C2orf76: variants seen among roughly 807,000 people sequenced by gnomAD.
C2orf76 encodes UPF0538 protein C2orf76.
A neutral mutation model predicts 16.9 loss-of-function variants in C2orf76; 23 were observed. The ratio of observed to expected loss-of-function variants is 1.36; its 90% CI spans 0.98 to 1.93. C2orf76 has a LOEUF of 1.93. C2orf76 is among the 30% of genes most tolerant of loss of function. The probability of loss-of-function intolerance (pLI) is 0.00; values close to 1 mark genes in which losing one functional copy is unlikely to be tolerated. For missense variants in C2orf76, 152 were observed against 152.6 expected (o/e 1.00, Z 0.02); for synonymous variants, 48 against 52.3 (o/e 0.92, Z 0.35).
chr2:119,292,149 A>G, the C2orf76 span, among the ~76,000 whole-genome samples: 1 of 152,170 alleles, frequency 6.6e-6, no homozygotes, highest in African/African-American at 2.4e-5. Flanking sequence ...TTTAAATGTC[A>G]CCACAAGTTC....
chr2:119,336,022 T>C lies in C2orf76; in HGVS notation c.133+3805A>G, dbSNP rs1213895142. ...TTATCTAGATAATTGGTTTGTCTAG[T>C]ATTCTGAATCTAAAAAATACAGTCA... On this transcript the variant is annotated intron_variant, in intron 2 of 5. Coordinates refer to ENST00000334816, the MANE Select transcript of C2orf76 (RefSeq NM_001322331.2). Among the ~76,000 whole-genome samples, 3 of 152,222 alleles carry C rather than the reference T, an allele frequency of 2.0e-5. No homozygotes were observed. The East Asian group carries it at 5.8e-4, about 29-fold the overall frequency.
chr2:119,311,274 A>G, intron 5 of C2orf76: 1 of 985,412 alleles, frequency 1.0e-6, no homozygotes, highest in Middle Eastern at 5.2e-4. Flanking sequence ...ATTAGTTCTT[A>G]CTATGTCCAT....
the C2orf76 span, among the ~76,000 whole-genome samples, chr2:119,295,749 A>G: frequency 2.0e-5 from 3 of 152,208 alleles, no homozygotes; most frequent in Non-Finnish European, 4.4e-5. Context: ...AAAGAGTCAC[A>G]TGACTTCATC....
At chr2:119,311,793 A>T in intron 4 of C2orf76, 90 bp from the exon 5 acceptor site, 1 of 1,169,820 alleles carries the variant, frequency 8.5e-7, no homozygotes, top group Non-Finnish European at 1.2e-6. Context: ...TGTAACTCTG[A>T]GCACAGCAAT....
chr2:119,317,413 C>T, intron 4 of C2orf76, 53 bp downstream of exon 4: 1 of 1,361,130 alleles, frequency 7.3e-7, no homozygotes, highest in Non-Finnish European at 1.0e-6. Flanking sequence ...TTCACAAATT[C>T]AACCAACATT....
intron 5 of C2orf76, chr2:119,311,165 C>G (rs569960513): frequency 1.0e-6 from 1 of 985,440 alleles, no homozygotes; most frequent in East Asian, 1.1e-4. Flanking sequence ...ACACCAGGTT[C>G]CTATTTTAAA....
At chr2:119,344,616 G>A (rs568994166) in intron 1 of C2orf76, among the ~76,000 whole-genome samples, 2 of 152,188 alleles carry the variant, frequency 1.3e-5, no homozygotes, top group African/African-American at 4.8e-5. Context: ...AATCCATCTA[G>A]AAGAATCTGT....
rs564590622 is a variant in C2orf76, at chr2:119,302,463, G to A, written c.*9C>T. Reference sequence around the variant, plus strand: ...ACAGGTATGCAAAAAGGAAGCCCTCGAGATGTTTTCACCAGGATGAAATGG... The same window carrying A: ...ACAGGTATGCAAAAAGGAAGCCCTCAAGATGTTTTCACCAGGATGAAATGG... On this transcript the variant is annotated 3_prime_UTR_variant, in exon 6 of 6. Coordinates refer to ENST00000334816, the MANE Select transcript of C2orf76 (RefSeq NM_001322331.2). The A allele has an allele frequency of 6.0e-6, 7 of 1,169,444 alleles. No individual in the cohort carries two copies. The highest frequency in any genetic ancestry group is 5.0e-5 in the East Asian group (2 of 39,840). The allele number at this position is 1,169,444 out of a possible 1,614,324, so 72.4% of individuals were successfully genotyped here.
chr2:119,281,414 G>A, the C2orf76 span, among the ~76,000 whole-genome samples: 2 of 152,102 alleles, frequency 1.3e-5, no homozygotes, highest in Non-Finnish European at 1.5e-5. Context: ...AGGCTGAGGT[G>A]GGAGGATAGC....
intron 1 of C2orf76, among the ~76,000 whole-genome samples, chr2:119,343,968 G>A (rs1213500103): frequency 6.6e-6 from 1 of 152,180 alleles, no homozygotes; most frequent in East Asian, 1.9e-4. Flanking sequence ...TAAATTCCCA[G>A]ATGTAATGAA....
chr2:119,367,044 CG>C, upstream of C2orf76: 1 of 1,614,082 alleles, frequency 6.2e-7, no homozygotes, highest in South Asian at 1.1e-5. Flanking sequence ...TCTTGCAAGT[CG>C]GCCAGGATGT....
chr2:119,342,799 T>C (rs976561426), intron 1 of C2orf76, among the ~76,000 whole-genome samples: 22 of 152,044 alleles, frequency 1.4e-4, no homozygotes, highest in African/African-American at 5.3e-4. Context: ...TCTCACTCTG[T>C]CGCCAGGCTG....
Position 119,321,948 on chromosome 2 carries a change from C to A in C2orf76, c.134-744G>T, listed in dbSNP as rs193273451. ...ATTAGTGGAAACCAATGATCTAGAA[C>A]AATCTTATTACTCCACCAAAATTCA... On this transcript the variant is annotated intron_variant, in intron 2 of 5. Coordinates refer to ENST00000334816, the MANE Select transcript of C2orf76 (RefSeq NM_001322331.2). Among the ~76,000 whole-genome samples, 14 of 151,918 alleles carry A rather than the reference C, an allele frequency of 9.2e-5. No homozygotes were observed. The South Asian group carries it at 1.5e-3, about 16-fold the overall frequency.
chr2:119,365,994 C>G (rs114165091), intron 1 of C2orf76, among the ~76,000 whole-genome samples: 49 of 152,160 alleles, frequency 3.2e-4, no homozygotes, highest in Middle Eastern at 3.4e-3. Context: ...TCCTTGCCCA[C>G]GCCTTTACAC....
At chr2:119,356,651 G>A (rs766934676) in intron 1 of C2orf76, among the ~76,000 whole-genome samples, 1 of 150,900 alleles carries the variant, frequency 6.6e-6, no homozygotes, top group Non-Finnish European at 1.5e-5. Context: ...ATAATAATGA[G>A]TGGAAATCAA....
chr2:119,285,499 G>A, the C2orf76 span, among the ~76,000 whole-genome samples: 1 of 152,206 alleles, frequency 6.6e-6, no homozygotes, highest in Middle Eastern at 3.4e-3. Context: ...CATGTGTTGC[G>A]TCCTCAGTAG....
At chr2:119,340,080 G>T in intron 1 of C2orf76, 109 bp from the exon 2 acceptor site, 1 of 1,232,158 alleles carries the variant, frequency 8.1e-7, no homozygotes, top group Non-Finnish European at 1.1e-6. Context: ...GCTCTTCCAT[G>T]CTGCATGATC....
At chr2:119,321,075 G>T in intron 3 of C2orf76, 79 bp downstream of exon 3, 1 of 768,296 alleles carries the variant, frequency 1.3e-6, no homozygotes, top group South Asian at 2.3e-5. Flanking sequence ...AGTCATTTTT[G>T]AAAACAAAAT....
At chr2:119,298,846 C>T (rs552484113), downstream of C2orf76, among the ~76,000 whole-genome samples, 4 of 152,198 alleles carry the variant, frequency 2.6e-5, no homozygotes, top group Admixed American at 2.0e-4. Flanking sequence ...TTGCCTACTC[C>T]TTTCCAATAT....
Sources: allele counts gnomAD v4.1 joint callset (sites outside exome capture counted in the v4.1 genomes callset), GRCh38; gene constraint gnomAD v4.1.1; transcripts MANE v1.5; gene names NCBI Gene and HGNC (gene_info 2026-07-23, HGNC 2026-07-21).